The following PCDHA7 variants were observed in gnomAD, a reference collection of about 807,000 sequenced individuals.
PCDHA7 encodes protocadherin alpha-7.
PCDHA7 carries 37 observed loss-of-function variants against 57.2 expected under a neutral mutation model. The observed-to-expected ratio is 0.65, with a 90% CI of 0.50 to 0.85. The LOEUF is 0.85. Among genes scored for constraint, PCDHA7 ranks in the 40% least tolerant of loss-of-function variants. PCDHA7 has a pLI of 0.00. For synonymous variants in PCDHA7, 553 were observed against 558.8 expected (o/e 0.99, Z 0.15); for missense variants, 1,188 against 1,241.8 (o/e 0.96, Z 0.65).
intron 3 of PCDHA7, among the ~76,000 whole-genome samples, chr5:141,007,768 A>C (rs1457934171): frequency 2.0e-5 from 3 of 152,212 alleles, no homozygotes; most frequent in Non-Finnish European, 2.9e-5. Context: ...ATTGGCCTGG[A>C]AATGGTACTG....
chr5:140,928,226 T>G, intron 1 of PCDHA7: 1 of 1,614,178 alleles, frequency 6.2e-7, no homozygotes, highest in African/African-American at 1.3e-5. Context: ...ACACCAAACT[T>G]TCCTCAACCC....
At chr5:140,936,244 T>C (rs879962489) in intron 1 of PCDHA7, among the ~76,000 whole-genome samples, 13 of 152,192 alleles carry the variant, frequency 8.5e-5, no homozygotes, top group Non-Finnish European at 1.6e-4. Context: ...AGAAAACATA[T>C]CCTGCTTCAA....
In PCDHA7 at chr5:140,849,729, G is replaced by A. The variant is rs1180272167; in HGVS notation, c.2355+12991G>A. On this transcript the variant is annotated intron_variant, in intron 1 of 3. Transcript: ENST00000525929. ...TTACTACTCGTTGGTGCTGGACAGA[G>A]CTCTGGACCGCGAGAGTGTGTCCGC... 5.6e-6 allele frequency: 9 copies of A among 1,598,378 alleles called. 1 individual carries two copies. Among genetic ancestry groups the A allele is most frequent in the Non-Finnish European group, 7.7e-6 (9 of 1,168,014 alleles).
In PCDHA7 at chr5:140,995,948, C is replaced by T. The variant is rs143431693; in HGVS notation, c.2503+13385C>T. Among the ~76,000 whole-genome samples the T allele has an allele frequency of 4.7e-3, 711 of 152,264 alleles. 7 individuals carry two copies. The highest frequency in any genetic ancestry group is 0.016 in the African/African-American group (645 of 41,554). ...TGTAAGTATTAAATGACATAATGCA[C>T]GCAAAATGCTTAGAACCATGCTTAG... On this transcript the variant is annotated intron_variant, in intron 3 of 3. Transcript: ENST00000525929.
At chr5:140,911,659 T>G (rs2075588861) in intron 1 of PCDHA7, among the ~76,000 whole-genome samples, 1 of 152,142 alleles carries the variant, frequency 6.6e-6, no homozygotes, top group African/African-American at 2.4e-5. Flanking sequence ...GTTACTAAAC[T>G]CCTTGCCTCT....
At chr5:140,901,982 A>G (rs1250710466) in intron 1 of PCDHA7, among the ~76,000 whole-genome samples, 2 of 151,818 alleles carry the variant, frequency 1.3e-5, no homozygotes, top group Non-Finnish European at 1.5e-5. Flanking sequence ...TTACTTTTTA[A>G]TTTCATTTTC....
chr5:140,917,955 C>T (rs1439909877), intron 1 of PCDHA7, among the ~76,000 whole-genome samples: 1 of 151,916 alleles, frequency 6.6e-6, no homozygotes, highest in Admixed American at 6.6e-5. Context: ...TTGATAGGAA[C>T]ATCATTGAAT....
chr5:140,849,787 G>A lies in PCDHA7; in HGVS notation c.2355+13049G>A, dbSNP rs1421161535. The stretch of plus-strand genomic sequence containing the variant: ...CTGGTGGTTACCGCGCGGGACGGGG[G>A]CTCGCCTTCACTGTGGGCCACGGCC... On this transcript the variant is annotated intron_variant, in intron 1 of 3. Transcript: ENST00000525929. 3.1e-6 allele frequency: 5 copies of A among 1,598,342 alleles called. 1 individual carries two copies. The highest frequency in any genetic ancestry group is 3.4e-4 in the Middle Eastern group (2 of 5,864).
Position 140,834,683 on chromosome 5 carries a change from G to C in PCDHA7, c.300G>C (p.Ala100=), listed in dbSNP as rs2150224219. The C allele has an allele frequency of 3.2e-5, 51 of 1,614,138 alleles. No individual in the cohort carries two copies. Among genetic ancestry groups the C allele is most frequent in the Non-Finnish European group, 4.1e-5 (48 of 1,180,060 alleles). ...IDREELCGRS[A]ECSIHLEVIV... Reference sequence around the variant, plus strand: ...GCGAGGAGCTGTGCGGGCGGAGCGCGGAGTGCAGCATCCACCTGGAGGTGA... The same window carrying C: ...GCGAGGAGCTGTGCGGGCGGAGCGCCGAGTGCAGCATCCACCTGGAGGTGA... Residue 100 remains alanine, a synonymous_variant, in exon 1 of 4, where the codon GCG becomes GCC. Transcript: ENST00000525929.
At position 140,858,022 on chromosome 5, in the gene PCDHA7, G is replaced by T; in HGVS notation, c.2355+21284G>T. 2.5e-6 allele frequency: 4 copies of T among 1,597,054 alleles called. 1 individual carries two copies. The highest frequency in any genetic ancestry group is 1.3e-5 in the African/African-American group (1 of 74,416). On this transcript the variant is annotated intron_variant, in intron 1 of 3. Transcript: ENST00000525929. The stretch of plus-strand genomic sequence containing the variant: ...TGAAGGACCATGGCGAGCCGTCGCT[G>T]ACGGCCACGGCCACTGTGCTTGTGT...
chr5:140,952,041 T>C (rs1202542852), intron 1 of PCDHA7, among the ~76,000 whole-genome samples: 1 of 152,108 alleles, frequency 6.6e-6, no homozygotes, highest in African/African-American at 2.4e-5. Flanking sequence ...AGTAGGGCAG[T>C]TATTAAATCT....
chr5:140,836,229 G>A lies in PCDHA7; in HGVS notation c.1846G>A (p.Ala616Thr). The change falls in exon 1 of 4, where the codon GCC becomes ACC. Residue 616 changes from alanine (A) to threonine (T), a missense_variant. Coordinates refer to ENST00000525929, the MANE Select transcript of PCDHA7 (RefSeq NM_018910.3). ...WLSYELQPVA[A>T]GASIPFRVGL... ...TTCGTATGAGTTGCAACCGGTGGCG[G>A]CCGGTGCGAGCATCCCGTTCCGCGT... 1 of 1,613,818 alleles carries A rather than the reference G, an allele frequency of 6.2e-7. No homozygotes were observed.
chr5:140,854,725 G>GT (rs2043207581), intron 1 of PCDHA7: 1 of 149,714 alleles, frequency 6.7e-6, no homozygotes, highest in Non-Finnish European at 1.5e-5. Context: ...GAAAACTCAA[G>GT]TTTTTTTCAG....
intron 1 of PCDHA7, among the ~76,000 whole-genome samples, chr5:140,941,202 C>CCTTTCTTCCTTCCTTTCTTT (rs1394736170): frequency 8.1e-5 from 10 of 122,740 alleles, no homozygotes; most frequent in African/African-American, 2.1e-4. Context: ...TTTCTTTCTT[C>CCTTTCTTCCTTCCTTTCTTT]CTTTCTTTCT....
chr5:140,909,837 A>G (rs1385622846), intron 1 of PCDHA7, among the ~76,000 whole-genome samples: 3 of 152,190 alleles, frequency 2.0e-5, no homozygotes, highest in Non-Finnish European at 4.4e-5. Context: ...CTGGAGGACC[A>G]CCAGGACGTT....
At chr5:140,855,517 A>G (rs2043504995) in intron 1 of PCDHA7, among the ~76,000 whole-genome samples, 1 of 149,978 alleles carries the variant, frequency 6.7e-6, no homozygotes, top group Admixed American at 6.7e-5. Flanking sequence ...TCTCAAAATA[A>G]TGAGAAAGAG....
At chr5:140,953,333 G>T (rs1164031991) in intron 1 of PCDHA7, among the ~76,000 whole-genome samples, 1 of 151,962 alleles carries the variant, frequency 6.6e-6, no homozygotes, top group East Asian at 1.9e-4. Flanking sequence ...TAGAATTTAG[G>T]GCTCACCTTC....
intron 1 of PCDHA7, chr5:140,966,905 T>C (rs1554228876): frequency 1.9e-6 from 3 of 1,600,790 alleles, no homozygotes; most frequent in Non-Finnish European, 2.5e-6. Flanking sequence ...GCTGCGATAC[T>C]CTGTGCCAGA....
rs576672695 is a variant in PCDHA7, at chr5:140,976,134, A to G, written c.2356-2815A>G. On this transcript the variant is annotated intron_variant, in intron 1 of 3. Transcript: ENST00000525929. ...TTTTCCAAGTTTAATCAAGTTCTGG[A>G]TGAAACTCATGTACATTTTACTACT... Among the ~76,000 whole-genome samples the G allele has an allele frequency of 2.0e-5, 3 of 152,348 alleles. No homozygotes were observed. In the East Asian group the frequency reaches 5.8e-4, roughly 29 times the overall value.
Sources: gnomAD v4.1 joint callset for allele counts (sites outside exome capture counted in the v4.1 genomes callset) on GRCh38, gnomAD v4.1.1 for gene constraint, MANE v1.5 for transcripts, NCBI Gene and HGNC (gene_info 2026-07-23, HGNC 2026-07-21) for gene names.